Variants in IQGAP2 observed in about 807,000 individuals in gnomAD.
The protein encoded by IQGAP2 is ras GTPase-activating-like protein IQGAP2.
IQGAP2 carries 173 observed loss-of-function variants against 201.3 expected under a neutral mutation model. The observed-to-expected ratio is 0.86, with a 90% confidence interval of 0.76 to 0.98. The LOEUF (loss-of-function observed/expected upper bound fraction) is 0.98, where lower values mean the gene tolerates loss of function less well. Ranked by LOEUF, IQGAP2 falls within the 50% of genes least tolerant of loss-of-function variation. IQGAP2 has a pLI of 0.00. For synonymous variants in IQGAP2, 675 were observed against 673.9 expected, an observed-to-expected ratio of 1.00 and a Z score of -0.03; for missense variants, 1,687 against 1,864.8, an observed-to-expected ratio of 0.90 and a Z score of 1.76.
chr5:76,637,192 T>G lies in IQGAP2; in HGVS notation c.1923+16T>G. The G allele has an allele frequency of 6.3e-7, 1 of 1,588,270 alleles. No individual in the cohort carries two copies. Among genetic ancestry groups the G allele is most frequent in the Non-Finnish European group, 8.6e-7 (1 of 1,167,598 alleles). On this transcript the variant is annotated intron_variant, in intron 16 of 35. Coordinates refer to ENST00000274364, the MANE Select transcript of IQGAP2 (RefSeq NM_006633.5). ...AGAAATCGAGGTAGGAGGTTGGTGTTTGATGGATAACTCTACTGTATAAAG... is the reference window on the plus strand; with the variant it reads ...AGAAATCGAGGTAGGAGGTTGGTGTGTGATGGATAACTCTACTGTATAAAG...
intron 2 of IQGAP2, among the ~76,000 whole-genome samples, chr5:76,481,243 T>C (rs1755774695): frequency 6.6e-6 from 1 of 152,110 alleles, no homozygotes; most frequent in Non-Finnish European, 1.5e-5. Context: ...TATAGAAATA[T>C]AACAGGAGCC....
intron 2 of IQGAP2, among the ~76,000 whole-genome samples, chr5:76,533,219 G>C (rs1202079715): frequency 5.9e-5 from 9 of 151,968 alleles, no homozygotes. Context: ...TCTTGTGTTA[G>C]AGCCAAAACT....
At chr5:76,675,179 G>T (rs1020653948) in intron 27 of IQGAP2, among the ~76,000 whole-genome samples, 2 of 152,138 alleles carry the variant, frequency 1.3e-5, no homozygotes, top group Admixed American at 1.3e-4. Flanking sequence ...TTTATATATG[G>T]ATTTTTTCAA....
intron 1 of IQGAP2, among the ~76,000 whole-genome samples, chr5:76,419,669 TTTTC>T (rs1751617124): frequency 1.9e-5 from 2 of 103,110 alleles, no homozygotes; most frequent in African/African-American, 2.9e-5. Context: ...TTTTCTTTTC[TTTTC>T]TTTTTTTTTT....
At chr5:76,659,905 G>C (rs1438897617) in intron 21 of IQGAP2, 2 of 150,310 alleles carry the variant, frequency 1.3e-5, no homozygotes, top group Non-Finnish European at 3.0e-5. Context: ...TTTCACATCT[G>C]TGTGAAACCT....
chr5:76,480,754 C>T (rs1364836645), intron 2 of IQGAP2, among the ~76,000 whole-genome samples: 2 of 152,096 alleles, frequency 1.3e-5, no homozygotes, highest in Non-Finnish European at 2.9e-5. Flanking sequence ...AATGGTGTAC[C>T]TTGACTGAGG....
chr5:76,450,632 G>C (rs1235972448), intron 1 of IQGAP2, among the ~76,000 whole-genome samples: 1 of 152,174 alleles, frequency 6.6e-6, no homozygotes, highest in African/African-American at 2.4e-5. Context: ...AAACTGAAGA[G>C]CTCAGCATGT....
intron 2 of IQGAP2, among the ~76,000 whole-genome samples, chr5:76,533,572 G>A (rs576554571): frequency 7.3e-5 from 11 of 150,982 alleles, no homozygotes; most frequent in Admixed American, 4.6e-4. Context: ...ATGGAGTCTC[G>A]CTCTGTCGCC....
At chr5:76,702,839 G>T (rs570187030) in intron 35 of IQGAP2, among the ~76,000 whole-genome samples, 2 of 152,146 alleles carry the variant, frequency 1.3e-5, no homozygotes. Flanking sequence ...CCATTTTAAA[G>T]CTTAGACAAA....
chr5:76,556,104 T>C (rs1459957880), intron 2 of IQGAP2, among the ~76,000 whole-genome samples: 1 of 152,132 alleles, frequency 6.6e-6, no homozygotes, highest in Non-Finnish European at 1.5e-5. Context: ...GCTTCCTCTG[T>C]AAAGGAGGGG....
intron 5 of IQGAP2, among the ~76,000 whole-genome samples, chr5:76,584,948 T>A (rs1412320504): frequency 6.6e-6 from 1 of 152,242 alleles, no homozygotes; most frequent in Non-Finnish European, 1.5e-5. Flanking sequence ...TCAATTTATG[T>A]TCAACAAATA....
chr5:76,638,309 A>G (rs974835818), intron 16 of IQGAP2, among the ~76,000 whole-genome samples: 2 of 152,060 alleles, frequency 1.3e-5, no homozygotes, highest in Non-Finnish European at 2.9e-5. Context: ...AACCCAGGAA[A>G]TGGAGGTTGC....
At chr5:76,420,596 C>T (rs1242726734) in intron 1 of IQGAP2, among the ~76,000 whole-genome samples, 3 of 152,006 alleles carry the variant, frequency 2.0e-5, no homozygotes, top group Non-Finnish European at 4.4e-5. Flanking sequence ...AGGCTGGTCT[C>T]GAACTCTTGA....
At chr5:76,701,252 A>G (rs770087986) in intron 34 of IQGAP2, 39 bp downstream of exon 34, 1 of 1,600,508 alleles carries the variant, frequency 6.2e-7, no homozygotes, top group Non-Finnish European at 8.6e-7. Context: ...CACGCATGCC[A>G]TTTGATTTCT....
chr5:76,690,933 G>A (rs183685807), intron 30 of IQGAP2, among the ~76,000 whole-genome samples: 55 of 152,332 alleles, frequency 3.6e-4, no homozygotes, highest in Non-Finnish European at 1.3e-4. Flanking sequence ...AGACCTCACA[G>A]AAGGCTTTAG....
chr5:76,601,809 A>G (rs1747448783), intron 11 of IQGAP2, among the ~76,000 whole-genome samples: 1 of 152,230 alleles, frequency 6.6e-6, no homozygotes, highest in African/African-American at 2.4e-5. Context: ...ATGGTATTTG[A>G]CCACTTGTCT....
intron 30 of IQGAP2, among the ~76,000 whole-genome samples, chr5:76,690,288 G>A (rs970190846): frequency 3.9e-5 from 6 of 152,310 alleles, no homozygotes; most frequent in Admixed American, 2.6e-4. Flanking sequence ...TTAAGGGACT[G>A]AGTGGTTTCA....
At chr5:76,673,622 T>G (rs777581605) in intron 25 of IQGAP2, 33 bp downstream of exon 25, 9 of 1,607,460 alleles carry the variant, frequency 5.6e-6, no homozygotes, top group South Asian at 1.1e-5. Context: ...TTAACATTCT[T>G]TCCTGGAACG....
Position 76,614,605 on chromosome 5 carries a change from C to CTTTTTTTT in IQGAP2, c.1521+3442_1521+3449dup, listed in dbSNP as rs10603126. Among the ~76,000 whole-genome samples, 45 of 59,608 alleles carry CTTTTTTTT rather than the reference C, an allele frequency of 7.5e-4. 16 individuals are homozygous for CTTTTTTTT. The highest frequency in any genetic ancestry group is 1.6e-3 in the East Asian group (3 of 1,872). 39.1% of individuals were successfully genotyped at this position (59,608 alleles called of 152,430 possible). On this transcript the variant is annotated intron_variant, in intron 13 of 35. Coordinates refer to ENST00000274364, the MANE Select transcript of IQGAP2 (RefSeq NM_006633.5). ...TTAATGTCTTTGTTTTTCCCCTCTG[C>CTTTTTTTT]TTTTTTTTTTTTTTTTTTTTTTTTT...
Sources: allele counts gnomAD v4.1 joint callset (sites outside exome capture counted in the v4.1 genomes callset), GRCh38; gene constraint gnomAD v4.1.1; transcripts MANE v1.5; gene names NCBI Gene and HGNC (gene_info 2026-07-23, HGNC 2026-07-21).